The following ERBIN variants were observed in gnomAD, a reference collection of about 807,000 sequenced individuals.
ERBIN encodes densin-180-like protein.
In ERBIN, 60 loss-of-function variants were observed where a neutral mutation model predicts 158.4. The ratio of observed to expected loss-of-function variants is 0.38; its 90% CI spans 0.31 to 0.47. The LOEUF (loss-of-function observed/expected upper bound fraction) is 0.47, where lower values mean the gene tolerates loss of function less well. Among genes scored for constraint, ERBIN ranks in the 20% least tolerant of loss-of-function variants. The pLI is 0.99. For missense variants in ERBIN, 1,610 were observed against 1,648.0 expected, an observed-to-expected ratio of 0.98 and a Z score of 0.40; for synonymous variants, 594 against 557.2, an observed-to-expected ratio of 1.07 and a Z score of -0.93.
rs1163823833 is a variant in ERBIN at position 66,054,187 on chromosome 5, A to G, written c.2869A>G (p.Ile957Val). The G allele has an allele frequency of 1.2e-6, 2 of 1,614,020 alleles. No homozygotes were observed. Among genetic ancestry groups the G allele is most frequent in the African/African-American group, 1.3e-5 (1 of 74,922 alleles). The change falls in exon 21 of 26, where the codon ATA becomes GTA. Residue 957 changes from isoleucine (I) to valine (V), a missense_variant. This residue lies in a region of ERBIN where 1,014 missense variants were observed against 936.1 expected (regional missense o/e 1.08). Coordinates refer to ENST00000284037, the MANE Select transcript of ERBIN (RefSeq NM_001253697.2). ...AAATCATAATCCCGAAGAGCCAAAT[A>G]TAATAAGAGGCCCCACAAGTGGCCC... Reference protein sequence around the residue: ...DSNHNPEEPNIIRGPTSGPQS... With the variant: ...DSNHNPEEPNVIRGPTSGPQS...
At chr5:65,958,251 T>TGGGA in intron 1 of ERBIN, among the ~76,000 whole-genome samples, 1 of 152,058 alleles carries the variant, frequency 6.6e-6, no homozygotes, top group Non-Finnish European at 1.5e-5. Context: ...CTCGGCACTT[T>TGGGA]GGGAGGCCAA....
intron 1 of ERBIN, among the ~76,000 whole-genome samples, chr5:65,948,924 C>T (rs866553526): frequency 4.0e-5 from 6 of 151,814 alleles, no homozygotes; most frequent in Admixed American, 6.6e-5. Flanking sequence ...CCACCATGTC[C>T]GGCTAATTTT....
chr5:65,996,991 T>G (rs1164590548), intron 4 of ERBIN, among the ~76,000 whole-genome samples: 5 of 152,004 alleles, frequency 3.3e-5, no homozygotes, highest in East Asian at 1.9e-4. Flanking sequence ...TCCTGCAATT[T>G]TACTGAATTT....
chr5:66,050,211 T>C (rs1758875278), intron 19 of ERBIN, among the ~76,000 whole-genome samples: 1 of 149,088 alleles, frequency 6.7e-6, no homozygotes, highest in East Asian at 2.0e-4. Context: ...ACCTTGTCAG[T>C]AACTAAATCG....
intron 1 of ERBIN, among the ~76,000 whole-genome samples, chr5:65,956,600 G>A (rs978043978): frequency 1.3e-5 from 2 of 148,894 alleles, no homozygotes; most frequent in South Asian, 2.1e-4. Context: ...AGCTGGTTTC[G>A]AACTCCTAGG....
intron 7 of ERBIN, 88 bp from the exon 8 acceptor site, chr5:66,021,234 A>G: frequency 7.2e-6 from 5 of 696,838 alleles, no homozygotes; most frequent in Non-Finnish European, 1.2e-5. Context: ...ATAATTACCT[A>G]TTCCATAAGA....
intron 19 of ERBIN, among the ~76,000 whole-genome samples, chr5:66,050,571 A>G (rs1189068171): frequency 2.6e-5 from 4 of 152,038 alleles, no homozygotes; most frequent in Non-Finnish European, 4.4e-5. Context: ...TAACCCCAGC[A>G]TTGGTTACTT....
At chr5:65,997,547 T>C (rs1001071637) in intron 4 of ERBIN, among the ~76,000 whole-genome samples, 22 of 152,334 alleles carry the variant, frequency 1.4e-4, no homozygotes, top group African/African-American at 5.1e-4. Context: ...AGAATGAGTG[T>C]GTATTTCTTT....
chr5:66,053,954 G>A lies in ERBIN; in HGVS notation c.2636G>A (p.Gly879Glu). Residue 879 changes from glycine to glutamate, a missense_variant, in exon 21 of 26, where the codon GGA (glycine) becomes GAA (glutamate). This residue lies in a region of ERBIN where 1,014 missense variants were observed against 936.1 expected (regional missense o/e 1.08). Coordinates refer to ENST00000284037, the MANE Select transcript of ERBIN (RefSeq NM_001253697.2). The part of the protein sequence containing the change: ...KSHSITNMEI[G>E]GLKIYDILSD... ...CATAGCATAACTAATATGGAGATTG[G>A]AGGGCTAAAAATCTATGATATTCTT... 1 of 1,614,116 alleles carries A rather than the reference G, an allele frequency of 6.2e-7. No homozygotes were observed. Among genetic ancestry groups the A allele is most frequent in the African/African-American group, 1.3e-5 (1 of 75,042 alleles).
chr5:66,026,074 T>A, intron 12 of ERBIN, 97 bp downstream of exon 12: 1 of 1,090,496 alleles, frequency 9.2e-7, no homozygotes, highest in Non-Finnish European at 1.3e-6. Flanking sequence ...ATTTTCTTTC[T>A]AAAATAGTTT....
intron 14 of ERBIN, among the ~76,000 whole-genome samples, chr5:66,035,200 C>T (rs1251351342): frequency 1.3e-5 from 2 of 152,162 alleles, no homozygotes; most frequent in African/African-American, 4.8e-5. Context: ...TATCTGTATC[C>T]TCATTATTCT....
intron 4 of ERBIN, among the ~76,000 whole-genome samples, chr5:66,011,011 A>G (rs1386486929): frequency 2.0e-5 from 3 of 152,204 alleles, no homozygotes; most frequent in Non-Finnish European, 4.4e-5. Context: ...GAAAATTTAA[A>G]AACCATAATC....
intron 1 of ERBIN, among the ~76,000 whole-genome samples, chr5:65,982,002 C>T (rs1443339731): frequency 6.6e-6 from 1 of 152,168 alleles, no homozygotes; most frequent in Non-Finnish European, 1.5e-5. Flanking sequence ...TTTCAGTCTA[C>T]AGTGGTTAAG....
chr5:66,046,432 T>G lies in ERBIN; in HGVS notation c.1682T>G (p.Ile561Ser), dbSNP rs1758449681. Residue 561 changes from isoleucine to serine, a missense_variant, in exon 18 of 26, where the codon ATC becomes AGC. Physicochemically the swap from Ile to Ser is moderately radical, Grantham distance 142. Coordinates refer to ENST00000284037, the MANE Select transcript of ERBIN (RefSeq NM_001253697.2). ...ATGATAGGAAACTCTGTACAGAAGA[T>G]CAGTGAACCTGAAGCTGAGATTAGT... ...KYMIGNSVQKISEPEAEISPG... is the reference protein window; with the variant it reads ...KYMIGNSVQKSSEPEAEISPG... 6.2e-7 allele frequency: 1 copy of G among 1,612,404 alleles called. No individual in the cohort carries two copies.
Position 66,018,502 on chromosome 5 carries a change from T to TA in ERBIN, c.534-2819dup, listed in dbSNP as rs1755143694. On this transcript the variant is annotated intron_variant, in intron 7 of 25. Coordinates refer to ENST00000284037, the MANE Select transcript of ERBIN (RefSeq NM_001253697.2). Reference sequence around the variant, plus strand: ...ATATTATATATTATATTATATAATATATATTATATATTATATAATATATAT... The same window carrying TA: ...ATATTATATATTATATTATATAATATAATATTATATATTATATAATATATAT... Among the ~76,000 whole-genome samples the TA allele has an allele frequency of 1.7e-3, 17 of 9,728 alleles. 2 individuals are homozygous for TA. The highest frequency in any genetic ancestry group is 8.8e-3 in the African/African-American group (16 of 1,818). The allele number at this position is 9,728 out of a possible 152,430, so 6.4% of individuals were successfully genotyped here. A position where few individuals can be genotyped will look rare whatever the true frequency, so the allele number is the denominator to read the frequency against.
At chr5:66,078,109 G>A (rs980483621) in intron 25 of ERBIN, among the ~76,000 whole-genome samples, 2 of 152,122 alleles carry the variant, frequency 1.3e-5, no homozygotes, top group Admixed American at 1.3e-4. Context: ...CTTGCCCCCT[G>A]CTACGCTACA....
chr5:66,004,862 T>C (rs1479457533), intron 4 of ERBIN, among the ~76,000 whole-genome samples: 1 of 152,110 alleles, frequency 6.6e-6, no homozygotes, highest in Non-Finnish European at 1.5e-5. Flanking sequence ...CTATAGCATG[T>C]GTGAGGACTG....
At chr5:66,063,222 C>T (rs1760624548) in intron 21 of ERBIN, among the ~76,000 whole-genome samples, 1 of 152,252 alleles carries the variant, frequency 6.6e-6, no homozygotes. Flanking sequence ...TGGTTACCTA[C>T]TCAAGCCTGG....
intron 22 of ERBIN, 94 bp downstream of exon 22, chr5:66,072,385 CTTT>C: frequency 1.4e-5 from 18 of 1,263,190 alleles, no homozygotes; most frequent in Non-Finnish European, 1.9e-5. Context: ...GATGAAAATA[CTTT>C]TTTGAGGGCT....
Sources: allele counts gnomAD v4.1 joint callset (sites outside exome capture counted in the v4.1 genomes callset), GRCh38; gene constraint gnomAD v4.1.1; regional missense constraint gnomAD v4.1.1; transcripts MANE v1.5; gene names NCBI Gene and HGNC (gene_info 2026-07-23, HGNC 2026-07-21).